The following NFAT5 variants were observed in gnomAD, a reference collection of about 807,000 sequenced individuals.
The protein encoded by NFAT5 is nuclear factor of activated T cells 5, also known as nuclear factor of activated T-cells 5.
In NFAT5, 31 loss-of-function variants were observed where a neutral mutation model predicts 166.5. That is an observed-to-expected ratio of 0.19 (90% CI 0.14 to 0.25). The LOEUF is 0.25. NFAT5 is among the 10% of genes least tolerant of loss of function. The pLI is 1.00. For synonymous variants in NFAT5, 612 were observed against 639.7 expected, an observed-to-expected ratio of 0.96 and a Z score of 0.65; for missense variants, 1,449 against 1,821.8, an observed-to-expected ratio of 0.80 and a Z score of 3.72.
intron 3 of NFAT5, among the ~76,000 whole-genome samples, chr16:69,636,655 G>C (rs1455332772): frequency 6.6e-6 from 1 of 152,200 alleles, no homozygotes; most frequent in African/African-American, 2.4e-5. Flanking sequence ...TGATGCCACA[G>C]CTTGAGCTGT....
intron 2 of NFAT5, among the ~76,000 whole-genome samples, chr16:69,576,646 G>C (rs1369721338): frequency 6.6e-6 from 1 of 152,114 alleles, no homozygotes; most frequent in African/African-American, 2.4e-5. Flanking sequence ...GAGGTGGGCG[G>C]ATCGCTTGAA....
chr16:69,685,007 T>C (rs1307899139), intron 11 of NFAT5, 37 bp downstream of exon 11: 2 of 1,424,526 alleles, frequency 1.4e-6, no homozygotes, highest in Non-Finnish European at 2.0e-6. Flanking sequence ...CGTAATTGGG[T>C]GCTCCTGTAT....
intron 3 of NFAT5, among the ~76,000 whole-genome samples, chr16:69,643,103 G>A (rs1365850981): frequency 1.3e-5 from 2 of 151,474 alleles, no homozygotes; most frequent in South Asian, 2.1e-4. Flanking sequence ...TGTAATCCCA[G>A]CTACTCAGGA....
intron 3 of NFAT5, among the ~76,000 whole-genome samples, chr16:69,634,344 C>CT (rs2034859674): frequency 6.7e-6 from 1 of 150,044 alleles, no homozygotes; most frequent in Non-Finnish European, 1.5e-5. Context: ...TGAGTGGAAG[C>CT]TACATGAGTG....
intron 2 of NFAT5, among the ~76,000 whole-genome samples, chr16:69,595,477 C>T (rs944253184): frequency 4.6e-5 from 7 of 152,112 alleles, no homozygotes; most frequent in East Asian, 1.9e-4. Flanking sequence ...ATGAAAGATT[C>T]GGTAAACCAT....
intron 2 of NFAT5, among the ~76,000 whole-genome samples, chr16:69,577,897 G>C (rs1466794152): frequency 6.6e-6 from 1 of 152,016 alleles, no homozygotes; most frequent in East Asian, 1.9e-4. Context: ...GGAAGCTGAG[G>C]TGGGAGGATC....
chr16:69,665,133 G>A (rs1389965658), intron 7 of NFAT5, among the ~76,000 whole-genome samples: 2 of 152,108 alleles, frequency 1.3e-5, no homozygotes, highest in African/African-American at 4.8e-5. Flanking sequence ...GACTCATCTC[G>A]TAAACTTTAA....
chr16:69,661,779 T>C (rs926148996), intron 7 of NFAT5, among the ~76,000 whole-genome samples: 29 of 152,216 alleles, frequency 1.9e-4, no homozygotes, highest in East Asian at 1.9e-4. Context: ...AACTTCATAG[T>C]TAATTCAATG....
intron 10 of NFAT5, among the ~76,000 whole-genome samples, chr16:69,681,950 C>G (rs888855665): frequency 8.6e-5 from 13 of 150,310 alleles, no homozygotes; most frequent in South Asian, 4.2e-4. Flanking sequence ...AAAAGAAAAT[C>G]TAGGGATCCT....
At chr16:69,601,685 A>G (rs1166732390) in intron 2 of NFAT5, among the ~76,000 whole-genome samples, 1 of 152,210 alleles carries the variant, frequency 6.6e-6, no homozygotes, top group African/African-American at 2.4e-5. Context: ...TGTGGTTTAA[A>G]TAACAAAATT....
At chr16:69,652,978 T>C (rs1447029141) in intron 4 of NFAT5, among the ~76,000 whole-genome samples, 1 of 152,202 alleles carries the variant, frequency 6.6e-6, no homozygotes, top group Non-Finnish European at 1.5e-5. Flanking sequence ...CTCCTACCAC[T>C]CACATACGTT....
chr16:69,696,711 A>T lies in NFAT5; in HGVS notation c.*360A>T, dbSNP rs968373594. 4 of 152,658 alleles carry T rather than the reference A, an allele frequency of 2.6e-5. No individual in the cohort carries two copies. The highest frequency in any genetic ancestry group is 9.6e-5 in the African/African-American group (4 of 41,478). The allele number at this position is 152,658 out of a possible 1,614,324, so 9.5% of individuals were successfully genotyped here. A position where few individuals can be genotyped will look rare whatever the true frequency, so the allele number is the denominator to read the frequency against. The stretch of plus-strand genomic sequence containing the variant: ...TATTGCTATTAGAAAATAATATATC[A>T]TGTTTACTTTTGTTCTTCATTATTT... On this transcript the variant is annotated 3_prime_UTR_variant, in exon 15 of 15. Transcript: ENST00000349945.
rs1567551973 is a variant in NFAT5, at chr16:69,626,436, A to T, written c.161A>T (p.Gln54Leu). 2 of 1,592,166 alleles carry T rather than the reference A, an allele frequency of 1.3e-6. No individual in the cohort carries two copies. The highest frequency in any genetic ancestry group is 1.7e-6 in the Non-Finnish European group (2 of 1,170,252). Residue 54 changes from glutamine (Q) to leucine (L), a missense_variant, in exon 3 of 15, where the codon CAG becomes CTG. By Grantham distance (113) the Gln-to-Leu change is moderately radical (BLOSUM62 -2). Transcript: ENST00000349945. ...TATGATCTTCTCCCAAAGGAGTTAC[A>T]GTTACCTCCATCTAGAGAAACATCT... ...SVYDLLPKELQLPPSRETSVA... is the reference protein window; with the variant it reads ...SVYDLLPKELLLPPSRETSVA...
chr16:69,628,107 T>C (rs1261822303), intron 3 of NFAT5, among the ~76,000 whole-genome samples: 1 of 151,900 alleles, frequency 6.6e-6, no homozygotes, highest in African/African-American at 2.4e-5. Flanking sequence ...AAAAAATTGT[T>C]AGGTTTAGAA....
At position 69,566,384 on chromosome 16, in the gene NFAT5, G is replaced by T. The variant is rs1363220901; in HGVS notation, c.73+10G>T. The stretch of plus-strand genomic sequence containing the variant: ...TCCCTCTACTCGCGAGGTGAGTCAG[G>T]CTGTGGGGGGTGGGGCGTGGGGGCG... On this transcript the variant is annotated intron_variant, in intron 1 of 14. Transcript: ENST00000349945. This position sits in a 1 kb window ranked among gnomAD's most constrained non-coding sequence, Gnocchi z 5.7. 2 of 1,584,764 alleles carry T rather than the reference G, an allele frequency of 1.3e-6. No homozygotes were observed. The highest frequency in any genetic ancestry group is 4.5e-5 in the East Asian group (2 of 44,126).
At chr16:69,646,274 A>G (rs889500674) in intron 3 of NFAT5, among the ~76,000 whole-genome samples, 8 of 152,200 alleles carry the variant, frequency 5.3e-5, no homozygotes, top group Admixed American at 3.3e-4. Context: ...GTTTTGAACT[A>G]CCACTTCCAG....
chr16:69,662,240 G>T (rs2036176566), intron 7 of NFAT5, among the ~76,000 whole-genome samples: 1 of 152,028 alleles, frequency 6.6e-6, no homozygotes, highest in African/African-American at 2.4e-5. Flanking sequence ...ACAAATAGAA[G>T]TAAAACAAGT....
chr16:69,621,800 T>C (rs1177385381), intron 2 of NFAT5, among the ~76,000 whole-genome samples: 2 of 152,070 alleles, frequency 1.3e-5, no homozygotes, highest in South Asian at 2.1e-4. Context: ...ACTCTGTCTC[T>C]ACAAAAAGTT....
chr16:69,692,905 T>C lies in NFAT5; in HGVS notation c.3080T>C (p.Val1027Ala). The C allele has an allele frequency of 6.2e-7, 1 of 1,614,160 alleles. No individual in the cohort carries two copies. Among genetic ancestry groups the C allele is most frequent in the East Asian group, 2.2e-5 (1 of 44,876 alleles). The change falls in exon 13 of 15, where the codon GTC becomes GCC. Residue 1027 changes from valine to alanine, a missense_variant. By Grantham distance (64) the Val-to-Ala change is moderately conservative. Coordinates refer to ENST00000349945, the MANE Select transcript of NFAT5 (RefSeq NM_138713.4). ...CAGAACAGTGTCTTTCAGACCATGG[T>C]CCAAATGCAACATAGTGGGGACAAT... ...QIQNSVFQTM[V>A]QMQHSGDNQP... is the part of the protein sequence containing the mutation.
Sources: gnomAD v4.1 joint callset for allele counts (sites outside exome capture counted in the v4.1 genomes callset) on GRCh38, gnomAD v4.1.1 for gene constraint, Gnocchi (gnomAD v3.1) non-coding constraint, MANE v1.5 for transcripts, NCBI Gene and HGNC (gene_info 2026-07-23, HGNC 2026-07-21) for gene names.